The following BICD1 variants were observed in gnomAD, a reference collection of about 807,000 sequenced individuals.
BICD1 encodes protein bicaudal D homolog 1.
In BICD1, 35 loss-of-function variants were observed where a neutral mutation model predicts 92.5. The observed-to-expected ratio is 0.38, with a 90% CI of 0.29 to 0.50. The LOEUF is 0.50. Ranked by LOEUF, BICD1 falls within the 20% of genes least tolerant of loss-of-function variation. The probability of loss-of-function intolerance (pLI) is 0.93; values close to 1 mark genes in which losing one functional copy is unlikely to be tolerated. For missense variants in BICD1, 950 were observed against 1,189.8 expected (o/e 0.80, Z 2.97); for synonymous variants, 429 against 465.1 (o/e 0.92, Z 1.00).
intron 9 of BICD1, among the ~76,000 whole-genome samples, chr12:32,373,561 T>C (rs1387115621): frequency 6.6e-6 from 1 of 152,124 alleles, no homozygotes; most frequent in Non-Finnish European, 1.5e-5. Context: ...GGAAGAAATA[T>C]TTGTCTTCCT....
In BICD1 at chr12:32,203,681, G is replaced by A. The variant is rs1287929263; in HGVS notation, c.214-12566G>A. ...TATAAACTGCATACTTTTTAGAAACGGTAGTGGTTCGTCCATCCAGCCTGC... is the reference window on the plus strand; with the variant it reads ...TATAAACTGCATACTTTTTAGAAACAGTAGTGGTTCGTCCATCCAGCCTGC... On this transcript the variant is annotated intron_variant, in intron 1 of 9. Coordinates refer to ENST00000652176, the MANE Select transcript of BICD1 (RefSeq NM_001714.4). Among the ~76,000 whole-genome samples the A allele has an allele frequency of 5.9e-5, 9 of 152,190 alleles. No homozygotes were observed. The East Asian group carries it at 1.5e-3, about 26-fold the overall frequency.
At chr12:32,123,232 G>A (rs764101123) in intron 1 of BICD1, among the ~76,000 whole-genome samples, 7 of 152,150 alleles carry the variant, frequency 4.6e-5, no homozygotes, top group Non-Finnish European at 7.4e-5. Flanking sequence ...CCATGTGGCT[G>A]GAGGGGACTG....
rs975999304 is a variant in BICD1, at chr12:32,217,969, G to A, written c.426+1510G>A. On this transcript the variant is annotated intron_variant, in intron 2 of 9. Coordinates refer to ENST00000652176, the MANE Select transcript of BICD1 (RefSeq NM_001714.4). Reference sequence around the variant, plus strand: ...GGACCGTGTGCACACGCATGCAGGTGGTTTATGGAGAAGAATGTGACCAAT... The same window carrying A: ...GGACCGTGTGCACACGCATGCAGGTAGTTTATGGAGAAGAATGTGACCAAT... Among the ~76,000 whole-genome samples, 3 of 152,210 alleles carry A rather than the reference G, an allele frequency of 2.0e-5. No individual in the cohort carries two copies. The South Asian group carries it at 6.2e-4, about 32-fold the overall frequency.
intron 5 of BICD1, among the ~76,000 whole-genome samples, chr12:32,334,289 G>A (rs918133144): frequency 6.6e-6 from 1 of 152,152 alleles, no homozygotes; most frequent in African/African-American, 2.4e-5. Context: ...ACTCTGGCTC[G>A]CAGCGGGCTT....
chr12:32,216,972 G>A (rs1273494258), intron 2 of BICD1, among the ~76,000 whole-genome samples: 1 of 152,166 alleles, frequency 6.6e-6, no homozygotes, highest in East Asian at 1.9e-4. Context: ...ATTATGGCTG[G>A]TATGAATTAG....
At position 32,181,454 on chromosome 12, in the gene BICD1, G is replaced by A. The variant is rs375716670; in HGVS notation, c.214-34793G>A. Among the ~76,000 whole-genome samples, 7 of 151,690 alleles carry A rather than the reference G, an allele frequency of 4.6e-5. No individual in the cohort carries two copies. The South Asian group carries it at 8.3e-4, about 18-fold the overall frequency. ...AAAATTTACTTTTTATTATAAATTT[G>A]TCATATTTAATGCCATGGTGCATTA... On this transcript the variant is annotated intron_variant, in intron 1 of 9. Coordinates refer to ENST00000652176, the MANE Select transcript of BICD1 (RefSeq NM_001714.4).
chr12:32,272,134 C>A (rs1279221463), intron 2 of BICD1, among the ~76,000 whole-genome samples: 1 of 152,140 alleles, frequency 6.6e-6, no homozygotes, highest in Admixed American at 6.5e-5. Context: ...TTCACTATTT[C>A]TTTTATGACT....
intron 1 of BICD1, among the ~76,000 whole-genome samples, chr12:32,144,992 T>C (rs576255107): frequency 1.3e-5 from 2 of 152,332 alleles, no homozygotes; most frequent in African/African-American, 2.4e-5. Context: ...GAGTTGGTTC[T>C]TTTCTGATGG....
intron 8 of BICD1, among the ~76,000 whole-genome samples, chr12:32,358,462 G>C (rs1232263647): frequency 6.6e-6 from 1 of 151,726 alleles, no homozygotes; most frequent in Non-Finnish European, 1.5e-5. Context: ...ACAGAGGCCA[G>C]GCACAGTGGC....
At chr12:32,188,751 A>G (rs1371047591) in intron 1 of BICD1, among the ~76,000 whole-genome samples, 1 of 150,660 alleles carries the variant, frequency 6.6e-6, no homozygotes, top group Non-Finnish European at 1.5e-5. Context: ...TTTTTGAGAC[A>G]GAGTCTCACT....
Position 32,338,869 on chromosome 12 carries a change from CT to C in BICD1, c.2655del (p.Asp886IlefsTer10), listed in dbSNP as rs1938241328. 1.2e-6 allele frequency: 2 copies of C among 1,607,980 alleles called. No homozygotes were observed. Among genetic ancestry groups the C allele is most frequent in the East Asian group, 4.5e-5 (2 of 44,196 alleles). On this transcript the variant is annotated frameshift_variant, in exon 8 of 10. Transcript: ENST00000652176. LOFTEE classifies it high-confidence loss of function. The stretch of plus-strand genomic sequence containing the variant: ...CTACAGAATTTATTAAGAGTTCCCC[CT>C]GATCCCACCTCCACAGAATCATTTC... Reference protein sequence around the residue: ...SYLQNLLRVPPDPTSTESFLL... With the variant: ...SYLQNLLRVPXDPTSTESFLL...
intron 2 of BICD1, among the ~76,000 whole-genome samples, chr12:32,271,335 T>C (rs1253193658): frequency 6.6e-6 from 1 of 152,110 alleles, no homozygotes; most frequent in Non-Finnish European, 1.5e-5. Context: ...TGAAAGAAAA[T>C]GCACAGTTCG....
chr12:32,357,143 C>T (rs1481458205), intron 8 of BICD1, among the ~76,000 whole-genome samples: 2 of 151,590 alleles, frequency 1.3e-5, no homozygotes, highest in African/African-American at 4.8e-5. Flanking sequence ...TCCTGAGTAG[C>T]TGGGATTACA....
intron 2 of BICD1, among the ~76,000 whole-genome samples, chr12:32,275,774 A>G (rs1465965441): frequency 6.6e-6 from 1 of 152,006 alleles, no homozygotes; most frequent in Admixed American, 6.6e-5. Context: ...GCCACTCCCG[A>G]TTGTGCTAAA....
chr12:32,292,150 G>A (rs548474867), intron 2 of BICD1, among the ~76,000 whole-genome samples: 10 of 152,248 alleles, frequency 6.6e-5, no homozygotes, highest in African/African-American at 2.4e-4. Flanking sequence ...GTGTCGGCAG[G>A]GCCATGCTCC....
intron 2 of BICD1, among the ~76,000 whole-genome samples, chr12:32,229,215 C>CACTCCAGTCTTGGCGACAGAGCAAG (rs1287770442): frequency 6.6e-6 from 1 of 152,164 alleles, no homozygotes; most frequent in Non-Finnish European, 1.5e-5. Context: ...TGTGCCACTG[C>CACTCCAGTCTTGGCGACAGAGCAAG]ACTCCAGTCT....
chr12:32,166,125 TATTTATTTATTTA>T (rs1257906751), intron 1 of BICD1, among the ~76,000 whole-genome samples: 3 of 31,134 alleles, frequency 9.6e-5, no homozygotes, highest in East Asian at 2.1e-3. Context: ...TTTATTTATT[TATTTATTTATTTA>T]TTTATTTATT....
Position 32,336,188 on chromosome 12 carries a change from A to G in BICD1, c.2253-1311A>G, listed in dbSNP as rs141386713. Among the ~76,000 whole-genome samples the G allele has an allele frequency of 2.5e-4, 38 of 152,334 alleles. No homozygotes were observed. The East Asian group carries it at 7.3e-3, about 29-fold the overall frequency. ...TTTCACAGACTTTTTTTTGGCATGA[A>G]CAGTATTTGTTATTCATATTTTAGC... On this transcript the variant is annotated intron_variant, in intron 6 of 9. Transcript: ENST00000652176.
chr12:32,335,729 G>A (rs1227512525), intron 6 of BICD1, among the ~76,000 whole-genome samples: 1 of 151,710 alleles, frequency 6.6e-6, no homozygotes, highest in Non-Finnish European at 1.5e-5. Flanking sequence ...AGGACTGCAG[G>A]CTTGCACTAC....
Sources: gnomAD v4.1 joint callset for allele counts (sites outside exome capture counted in the v4.1 genomes callset) on GRCh38, gnomAD v4.1.1 for gene constraint, MANE v1.5 for transcripts, NCBI Gene and HGNC (gene_info 2026-07-23, HGNC 2026-07-21) for gene names.